Variants in FRMD5 observed in about 807,000 individuals in gnomAD.
FRMD5 encodes the protein FERM domain-containing protein 5.
Under a neutral mutation model 69.0 loss-of-function variants are expected in FRMD5, and 20 were observed. The ratio of observed to expected loss-of-function variants is 0.29; its 90% CI spans 0.20 to 0.42. The LOEUF (loss-of-function observed/expected upper bound fraction) is 0.42. Ranked by LOEUF, FRMD5 falls within the 10% of genes least tolerant of loss-of-function variation. FRMD5 has a pLI of 1.00. For synonymous variants in FRMD5, 271 were observed against 260.1 expected, an observed-to-expected ratio of 1.04 and a Z score of -0.40; for missense variants, 595 against 708.6, an observed-to-expected ratio of 0.84 and a Z score of 1.82.
intron 1 of FRMD5, among the ~76,000 whole-genome samples, chr15:43,945,640 C>T (rs1331367584): frequency 6.6e-6 from 1 of 152,194 alleles, no homozygotes; most frequent in Non-Finnish European, 1.5e-5. Context: ...GGACACACAA[C>T]TGCATGCATC....
intron 13 of FRMD5, among the ~76,000 whole-genome samples, chr15:43,880,456 C>T (rs2088493288): frequency 6.6e-6 from 1 of 152,182 alleles, no homozygotes; most frequent in African/African-American, 2.4e-5. Flanking sequence ...AAAGACGTTG[C>T]ACCTGAACTC....
In FRMD5 at chr15:44,057,194, G is replaced by A. The variant is rs147559554; in HGVS notation, c.103-132885C>T. 3.3e-3 allele frequency among the ~76,000 whole-genome samples: 493 copies of A among 150,616 alleles called. 3 individuals carry two copies. The highest frequency in any genetic ancestry group is 5.5e-3 in the Non-Finnish European group (371 of 67,820). On this transcript the variant is annotated intron_variant, in intron 1 of 13. Transcript: ENST00000417257. ...GGCTGGAGTGCAGTGACACGATCTC[G>A]GCTCACTGCCACCTCTGGCTCCGGG...
chr15:43,888,992 C>A, intron 8 of FRMD5, 120 bp from the exon 9 acceptor site: 3 of 799,294 alleles, frequency 3.8e-6, no homozygotes, highest in South Asian at 1.6e-5. Flanking sequence ...CAATTTTAGC[C>A]AAAATCAGAA....
chr15:43,974,958 G>C (rs1231169224), intron 1 of FRMD5, among the ~76,000 whole-genome samples: 1 of 152,216 alleles, frequency 6.6e-6, no homozygotes, highest in Non-Finnish European at 1.5e-5. Context: ...CAAGTTGCCT[G>C]TTGGCTCAAA....
intron 6 of FRMD5, among the ~76,000 whole-genome samples, chr15:43,905,497 A>C (rs1049425568): frequency 1.3e-5 from 2 of 152,006 alleles, no homozygotes; most frequent in African/African-American, 2.4e-5. Flanking sequence ...TCCCCAGTTC[A>C]TGCTTTCCTC....
intron 1 of FRMD5, among the ~76,000 whole-genome samples, chr15:44,130,759 G>T (rs1566961921): frequency 6.6e-6 from 1 of 152,216 alleles, no homozygotes; most frequent in South Asian, 2.1e-4. Flanking sequence ...TCATTCATTA[G>T]AACTTCAAAG....
chr15:44,080,633 T>C (rs1217230069), intron 1 of FRMD5, among the ~76,000 whole-genome samples: 1 of 152,110 alleles, frequency 6.6e-6, no homozygotes, highest in East Asian at 1.9e-4. Context: ...TCTGGTATGC[T>C]TATTGTTTGT....
chr15:44,188,130 A>G (rs944940120), intron 1 of FRMD5, among the ~76,000 whole-genome samples: 1 of 152,304 alleles, frequency 6.6e-6, no homozygotes, highest in African/African-American at 2.4e-5. Flanking sequence ...AACAAAATTT[A>G]TTTTTAAAAA....
intron 13 of FRMD5, among the ~76,000 whole-genome samples, chr15:43,875,342 CTG>C (rs1369940222): frequency 6.0e-5 from 5 of 82,832 alleles, no homozygotes; most frequent in African/African-American, 2.8e-4. Context: ...CAGAGAAAGA[CTG>C]TCTCAAAAAA....
At chr15:44,184,890 A>AT (rs1389560380) in intron 1 of FRMD5, among the ~76,000 whole-genome samples, 3 of 152,210 alleles carry the variant, frequency 2.0e-5, no homozygotes, top group Admixed American at 6.5e-5. Flanking sequence ...GAAAGATCTC[A>AT]TTTGCAGCAA....
intron 1 of FRMD5, among the ~76,000 whole-genome samples, chr15:43,928,848 C>A (rs577659417): frequency 6.6e-6 from 1 of 152,214 alleles, no homozygotes; most frequent in Non-Finnish European, 1.5e-5. Flanking sequence ...AAAGTCAGAG[C>A]TCCAAGCCTG....
intron 1 of FRMD5, among the ~76,000 whole-genome samples, chr15:44,088,901 C>A (rs764810595): frequency 2.0e-5 from 3 of 152,176 alleles, no homozygotes; most frequent in Non-Finnish European, 4.4e-5. Context: ...AGACCCTAAG[C>A]CCCTAAACTG....
At chr15:43,965,274 T>A (rs925866712) in intron 1 of FRMD5, among the ~76,000 whole-genome samples, 12 of 152,268 alleles carry the variant, frequency 7.9e-5, no homozygotes, top group African/African-American at 2.9e-4. Context: ...ATCATTCACT[T>A]TGATGACCTG....
At chr15:43,954,471 T>C (rs1188120724) in intron 1 of FRMD5, among the ~76,000 whole-genome samples, 2 of 152,170 alleles carry the variant, frequency 1.3e-5, no homozygotes, top group Non-Finnish European at 2.9e-5. Flanking sequence ...CAGGACAAAG[T>C]GAGAGCTGGG....
At chr15:44,063,611 A>G (rs1893185813) in intron 1 of FRMD5, 1 of 522,184 alleles carries the variant, frequency 1.9e-6, no homozygotes, top group Non-Finnish European at 3.7e-6. Flanking sequence ...GTTGCCATCA[A>G]TGATCCCTTT....
At chr15:43,883,364 T>C (rs2088582983) in intron 13 of FRMD5, among the ~76,000 whole-genome samples, 1 of 152,136 alleles carries the variant, frequency 6.6e-6, no homozygotes, top group African/African-American at 2.4e-5. Flanking sequence ...TCCCAAAGTA[T>C]TGAGATTACA....
chr15:44,062,487 T>A (rs959137329), intron 1 of FRMD5, among the ~76,000 whole-genome samples: 1 of 152,002 alleles, frequency 6.6e-6, no homozygotes, highest in Non-Finnish European at 1.5e-5. Context: ...GACCAAGAGT[T>A]CGAAACCAGC....
chr15:44,106,436 T>C (rs1368283465), intron 1 of FRMD5, among the ~76,000 whole-genome samples: 1 of 152,174 alleles, frequency 6.6e-6, no homozygotes, highest in East Asian at 1.9e-4. Flanking sequence ...GAGGCCTGCT[T>C]GTGTTTGCCT....
intron 1 of FRMD5, among the ~76,000 whole-genome samples, chr15:43,928,702 G>T (rs796382445): frequency 2.1e-4 from 32 of 152,344 alleles, no homozygotes; most frequent in African/African-American, 7.2e-4. Flanking sequence ...CTTTTGATGA[G>T]ATGGCAAAGC....
Sources: allele counts gnomAD v4.1 joint callset (sites outside exome capture counted in the v4.1 genomes callset), GRCh38; gene constraint gnomAD v4.1.1; transcripts MANE v1.5; gene names NCBI Gene and HGNC (gene_info 2026-07-23, HGNC 2026-07-21).